Variants in SSC5D observed in about 807,000 individuals in gnomAD.
SSC5D encodes scavenger receptor cysteine rich family member with 5 domains, also known as soluble scavenger receptor cysteine-rich domain-containing protein SSC5D.
In SSC5D, 106 loss-of-function variants were observed where a neutral mutation model predicts 104.6. The observed-to-expected ratio is 1.01, with a 90% CI of 0.87 to 1.19. The LOEUF is 1.19. SSC5D is among the 50% of genes most tolerant of loss of function. The pLI is 0.00. For missense variants in SSC5D, 1,993 were observed against 2,153.8 expected, an observed-to-expected ratio of 0.93 and a Z score of 1.48; for synonymous variants, 860 against 883.5, an observed-to-expected ratio of 0.97 and a Z score of 0.47.
Position 55,500,677 on chromosome 19 carries a change from G to C in SSC5D, c.2490G>C (p.Gly830=). 6.4e-7 allele frequency: 1 copy of C among 1,551,748 alleles called. No individual in the cohort carries two copies. Among genetic ancestry groups the C allele is most frequent in the Non-Finnish European group, 8.7e-7 (1 of 1,147,014 alleles). The change falls in exon 11 of 14, where the codon GGG becomes GGC. Residue 830 remains glycine, a synonymous_variant. Coordinates refer to ENST00000389623, the MANE Select transcript of SSC5D (RefSeq NM_001144950.2). This position sits in a 1 kb window ranked among gnomAD's most constrained non-coding sequence, Gnocchi z 4.6. Reference sequence around the variant, plus strand: ...TAGGCAAAACCCATTACGGCCCTGGGACTGGGCCCATCTGGCTGGATGACA... The same window carrying C: ...TAGGCAAAACCCATTACGGCCCTGGCACTGGGCCCATCTGGCTGGATGACA... ...PRVGKTHYGP[G]TGPIWLDDMG...
chr19:55,494,598 C>T lies in SSC5D; in HGVS notation c.1214-12C>T. ...GTGTGTGGGTGGCAATCACTTACCCCCTGCTCCACAGGCATGCCCCTGGGC... is the reference window on the plus strand; with the variant it reads ...GTGTGTGGGTGGCAATCACTTACCCTCTGCTCCACAGGCATGCCCCTGGGC... On this transcript the variant is annotated splice_polypyrimidine_tract_variant and intron_variant, in intron 7 of 13. Transcript: ENST00000389623. 6.6e-7 allele frequency: 1 copy of T among 1,510,682 alleles called. No homozygotes were observed. Among genetic ancestry groups the T allele is most frequent in the Non-Finnish European group, 8.9e-7 (1 of 1,123,640 alleles). The allele number at this position is 1,510,682 out of a possible 1,614,324, so 93.6% of individuals were successfully genotyped here.
chr19:55,497,034 A>G (rs1418415729), intron 8 of SSC5D, among the ~76,000 whole-genome samples: 1 of 152,216 alleles, frequency 6.6e-6, no homozygotes, highest in African/African-American at 2.4e-5. Context: ...TGCTGGAATT[A>G]ACAGGTGGGA....
chr19:55,505,065 G>A (rs2123449809), intron 12 of SSC5D, among the ~76,000 whole-genome samples: 1 of 151,676 alleles, frequency 6.6e-6, no homozygotes, highest in South Asian at 2.1e-4. Context: ...TCTGGAGTCC[G>A]ACTCTCCTAC....
In SSC5D at chr19:55,488,495, GCACTT is replaced by G; in HGVS notation, c.-93_-89del. On this transcript the variant is annotated 5_prime_UTR_variant, in exon 1 of 14. Transcript: ENST00000389623. ...CCTCGGGCCTGGGCGCCTCCAGCAG[GCACTT>G]CCCTCCCTCCCTCTCTCCCCAGCTG... 1 of 1,176,152 alleles carries G rather than the reference GCACTT, an allele frequency of 8.5e-7. No homozygotes were observed. The highest frequency in any genetic ancestry group is 1.2e-6 in the Non-Finnish European group (1 of 817,790). The allele number at this position is 1,176,152 out of a possible 1,614,324, so 72.9% of individuals were successfully genotyped here.
At position 55,489,518 on chromosome 19, in the gene SSC5D, G is replaced by C. The variant is rs772829932; in HGVS notation, c.217G>C (p.Ala73Pro). Residue 73 changes from alanine to proline, a missense_variant, in exon 3 of 14, where the codon GCC becomes CCC. Ala to Pro is a conservative substitution (Grantham distance 27). Coordinates refer to ENST00000389623, the MANE Select transcript of SSC5D (RefSeq NM_001144950.2). ...AGGGGCACTGGCCGCCCCGGGAGGC[G>C]CCTTCTTCGGGGAGGGGGCAGGGCC... Reference protein sequence around the residue: ...CGGALAAPGGAFFGEGAGPVW... With the variant: ...CGGALAAPGGPFFGEGAGPVW... 1 of 1,466,448 alleles carries C rather than the reference G, an allele frequency of 6.8e-7. No individual in the cohort carries two copies. The highest frequency in any genetic ancestry group is 2.5e-5 in the East Asian group (1 of 39,536). 90.8% of individuals were successfully genotyped at this position (1,466,448 alleles called of 1,614,324 possible).
chr19:55,493,576 T>C lies in SSC5D; in HGVS notation c.896-19T>C. The C allele has an allele frequency of 1.4e-6, 2 of 1,414,396 alleles. No homozygotes were observed. The highest frequency in any genetic ancestry group is 2.8e-5 in the East Asian group (1 of 35,420). The allele number at this position is 1,414,396 out of a possible 1,614,324, so 87.6% of individuals were successfully genotyped here. A position where few individuals can be genotyped will look rare whatever the true frequency, so the allele number is the denominator to read the frequency against. ...CCACCCTCGTTTCCTGGCCCTGTGC[T>C]CCCTCTCCCACTATCCAGGCCCAGC... On this transcript the variant is annotated intron_variant, in intron 6 of 13. Transcript: ENST00000389623.
intron 8 of SSC5D, among the ~76,000 whole-genome samples, chr19:55,495,075 A>G (rs115730608): frequency 0.013 from 1,924 of 150,978 alleles, 36 homozygotes; most frequent in African/African-American, 0.045. Context: ...CTCTATTCCC[A>G]AGCTGCACGG....
At position 55,489,928 on chromosome 19, in the gene SSC5D, T is replaced by A. The variant is rs1987084811; in HGVS notation, c.408T>A (p.Asp136Glu). The A allele has an allele frequency of 6.5e-7, 1 of 1,548,684 alleles. No homozygotes were observed. The highest frequency in any genetic ancestry group is 8.7e-7 in the Non-Finnish European group (1 of 1,146,310). ...NSRDDSTSPL[D>E]GAPWPGLLLE... ...GGGACGACTCAACATCTCCCCTGGA[T>A]GGGGCTCCCTGGCCAGGGCTGTTGC... The change falls in exon 4 of 14, where the codon GAT becomes GAA. Residue 136 changes from aspartate to glutamate, a missense_variant. This residue lies in a region of SSC5D where 1,101 missense variants were observed against 1,085.0 expected (regional missense o/e 1.01). Transcript: ENST00000389623.
chr19:55,506,373 ATTTTTTTTTTTTTTTTTTTTTTTTTTT>A (rs869296361), intron 12 of SSC5D, among the ~76,000 whole-genome samples: 4 of 71,998 alleles, frequency 5.6e-5, no homozygotes, highest in Admixed American at 2.0e-4. Flanking sequence ...TGGAATTTGG[ATTTTTTTTTTTTTTTTTTTTTTTTTTT>A]TTTTTTTTTT....
At chr19:55,489,057 T>TGTGGGGGG in intron 2 of SSC5D, 25 bp downstream of exon 2, 1 of 1,247,978 alleles carries the variant, frequency 8.0e-7, no homozygotes, top group Non-Finnish European at 1.0e-6. Context: ...TCCTCCCATC[T>TGTGGGGGG]GCCCGCCCCC....
At chr19:55,509,855 A>C (rs1987716813) in intron 12 of SSC5D, among the ~76,000 whole-genome samples, 4 of 35,434 alleles carry the variant, frequency 1.1e-4, no homozygotes, top group Admixed American at 4.8e-4. Context: ...TGTCTCAAAA[A>C]AAAAAAAAAA....
Position 55,518,945 on chromosome 19 carries a change from C to T in SSC5D, c.4669C>T (p.Pro1557Ser), listed in dbSNP as rs745479512. 3.2e-6 allele frequency: 5 copies of T among 1,550,372 alleles called. No homozygotes were observed. The highest frequency in any genetic ancestry group is 4.4e-6 in the Non-Finnish European group (5 of 1,146,968). The change falls in exon 14 of 14, where the codon CCA (proline) becomes TCA (serine). Residue 1557 changes from proline (P) to serine (S), a missense_variant. By Grantham distance (74) the Pro-to-Ser change is moderately conservative. Transcript: ENST00000389623. ...GGCCTGGACCACCAGCATGCCTGCACCAACCACCACTACCCCAGAGGAAGA... is the reference window on the plus strand; with the variant it reads ...GGCCTGGACCACCAGCATGCCTGCATCAACCACCACTACCCCAGAGGAAGA... ...EMAWTTSMPA[P>S]TTTTPEEEER...
At chr19:55,501,253 G>T in intron 12 of SSC5D, 52 bp downstream of exon 12, 1 of 1,462,256 alleles carries the variant, frequency 6.8e-7, no homozygotes, top group Non-Finnish European at 9.0e-7. Context: ...ACCTCCATTC[G>T]CTTCCCTGCA....
At chr19:55,501,933 C>T (rs1178794367) in intron 12 of SSC5D, among the ~76,000 whole-genome samples, 1 of 152,028 alleles carries the variant, frequency 6.6e-6, no homozygotes, top group South Asian at 2.1e-4. Flanking sequence ...TCATCTCTAT[C>T]TCTGTATTGC....
chr19:55,504,893 A>C (rs866178370), intron 12 of SSC5D, among the ~76,000 whole-genome samples: 17 of 152,200 alleles, frequency 1.1e-4, no homozygotes, highest in Admixed American at 6.5e-4. Flanking sequence ...CATGACCCCA[A>C]CTTCAGGCCA....
At chr19:55,501,298 T>C in intron 12 of SSC5D, 97 bp downstream of exon 12, 1 of 1,398,878 alleles carries the variant, frequency 7.1e-7, no homozygotes, top group Non-Finnish European at 9.5e-7. Context: ...ATGAGCTGGC[T>C]GAGGCCTCGG....
intron 12 of SSC5D, among the ~76,000 whole-genome samples, chr19:55,509,183 C>G (rs1242899940): frequency 6.6e-6 from 1 of 152,172 alleles, no homozygotes; most frequent in Non-Finnish European, 1.5e-5. Context: ...GTTTGGCCAT[C>G]TTTGTGAATC....
At chr19:55,505,961 T>C (rs1987627457) in intron 12 of SSC5D, among the ~76,000 whole-genome samples, 1 of 151,798 alleles carries the variant, frequency 6.6e-6, no homozygotes, top group African/African-American at 2.4e-5. Flanking sequence ...GGTCTTGAAC[T>C]CCTGACCTCA....
chr19:55,508,226 T>C (rs1447592990), intron 12 of SSC5D, among the ~76,000 whole-genome samples: 4 of 152,112 alleles, frequency 2.6e-5, no homozygotes, highest in African/African-American at 9.7e-5. Context: ...TCTAATGTAG[T>C]TCCCGCCACT....
Sources: allele counts gnomAD v4.1 joint callset (sites outside exome capture counted in the v4.1 genomes callset), GRCh38; gene constraint gnomAD v4.1.1; regional missense constraint gnomAD v4.1.1; non-coding constraint Gnocchi (gnomAD v3.1); transcripts MANE v1.5; gene names NCBI Gene and HGNC (gene_info 2026-07-23, HGNC 2026-07-21).